OR1J2: variants seen among roughly 807,000 people sequenced by gnomAD.
The protein encoded by OR1J2 is olfactory receptor 1J2.
For missense variants in OR1J2, 304 were observed against 246.1 expected (o/e 1.24, Z -1.57); for synonymous variants, 142 against 99.7 (o/e 1.42, Z -2.52).
chr9:122,510,596 C>T (rs952463534), upstream of OR1J2, among the ~76,000 whole-genome samples: 1 of 152,056 alleles, frequency 6.6e-6, no homozygotes, highest in African/African-American at 2.4e-5. Context: ...ATCATCCCAT[C>T]GTCTAGGCAT....
the OR1J2 span, among the ~76,000 whole-genome samples, chr9:122,546,795 T>G: frequency 6.6e-6 from 1 of 152,196 alleles, no homozygotes; most frequent in Non-Finnish European, 1.5e-5. Context: ...CTGTCAATTT[T>G]GAAAACAAAA....
the OR1J2 span, among the ~76,000 whole-genome samples, chr9:122,480,888 G>A: frequency 1.3e-5 from 2 of 151,946 alleles, no homozygotes; most frequent in Non-Finnish European, 2.9e-5. Context: ...TCTGCCTCCC[G>A]GGTTCAAGTG....
chr9:122,567,722 A>G, the OR1J2 span: 1 of 1,614,040 alleles, frequency 6.2e-7, no homozygotes, highest in East Asian at 2.2e-5. Flanking sequence ...TGCTTCCATA[A>G]AAGAGCGTCA....
At chr9:122,566,763 G>GC in the OR1J2 span, among the ~76,000 whole-genome samples, 35,860 of 151,864 alleles carry the variant, frequency 0.24, 4,713 homozygotes, top group Middle Eastern at 0.35. Flanking sequence ...ATTTCTATAG[G>GC]CTAGAGTCCT....
chr9:122,526,920 C>T, the OR1J2 span: 1 of 1,614,132 alleles, frequency 6.2e-7, no homozygotes, highest in Non-Finnish European at 8.5e-7. Context: ...GAGGGGGTGG[C>T]AAATGGCCAC....
the OR1J2 span, among the ~76,000 whole-genome samples, chr9:122,556,197 C>G: frequency 6.6e-6 from 1 of 151,354 alleles, no homozygotes; most frequent in Non-Finnish European, 1.5e-5. Flanking sequence ...CTTTTCATAG[C>G]TTGATAGTTC....
chr9:122,526,933 A>G, the OR1J2 span: 9 of 1,614,076 alleles, frequency 5.6e-6, no homozygotes, highest in South Asian at 4.4e-5. Flanking sequence ...ATGGCCACAT[A>G]GCGGTCATAC....
the OR1J2 span, among the ~76,000 whole-genome samples, chr9:122,546,245 G>T: frequency 4.6e-5 from 7 of 152,132 alleles, no homozygotes; most frequent in African/African-American, 1.7e-4. Flanking sequence ...TAAATAATTT[G>T]TGGCAAGTGT....
At chr9:122,576,740 A>G in the OR1J2 span, 1 of 152,186 alleles carries the variant, frequency 6.6e-6, no homozygotes, top group East Asian at 1.9e-4. Context: ...CCAGCAATTC[A>G]TCAATTACAG....
At chr9:122,554,017 A>G in the OR1J2 span, 6 of 1,611,792 alleles carry the variant, frequency 3.7e-6, no homozygotes, top group Admixed American at 1.7e-5. Context: ...CCATCAACTT[A>G]CTCTACAGAG....
At chr9:122,565,662 C>T in the OR1J2 span, among the ~76,000 whole-genome samples, 7 of 152,158 alleles carry the variant, frequency 4.6e-5, no homozygotes, top group African/African-American at 1.4e-4. Context: ...GTATGGATCC[C>T]GTCACCCAGG....
At chr9:122,520,185 T>A in the OR1J2 span, 1 of 715,568 alleles carries the variant, frequency 1.4e-6, no homozygotes, top group South Asian at 2.3e-5. Flanking sequence ...AACTCTCTGA[T>A]GACTTGAATT....
the OR1J2 span, among the ~76,000 whole-genome samples, chr9:122,565,167 G>A: frequency 6.6e-6 from 1 of 152,196 alleles, no homozygotes; most frequent in Non-Finnish European, 1.5e-5. Context: ...CATCTATTTG[G>A]ATTTTAGAGG....
At chr9:122,469,143 T>A in the OR1J2 span, among the ~76,000 whole-genome samples, 1 of 152,244 alleles carries the variant, frequency 6.6e-6, no homozygotes, top group African/African-American at 2.4e-5. Flanking sequence ...CGCTTGAGCC[T>A]GACTCCTTGC....
At chr9:122,544,637 C>G in the OR1J2 span, among the ~76,000 whole-genome samples, 3 of 152,146 alleles carry the variant, frequency 2.0e-5, no homozygotes, top group East Asian at 5.8e-4. Flanking sequence ...TCAGACTGGT[C>G]TCGAACTTCT....
chr9:122,504,119 T>A, the OR1J2 span, among the ~76,000 whole-genome samples: 112 of 152,324 alleles, frequency 7.4e-4, no homozygotes, highest in African/African-American at 2.5e-3. Context: ...TAAGGCCCCA[T>A]GCCAAATTTG....
At chr9:122,489,346 G>C in the OR1J2 span, among the ~76,000 whole-genome samples, 1 of 151,948 alleles carries the variant, frequency 6.6e-6, no homozygotes, top group Admixed American at 6.6e-5. Context: ...GAAAGCAACA[G>C]CCTGGGTTCC....
upstream of OR1J2, among the ~76,000 whole-genome samples, chr9:122,507,676 G>A (rs907384222): frequency 6.6e-6 from 1 of 152,112 alleles, no homozygotes. Flanking sequence ...CCAGCAGTTT[G>A]TATACTCAAT....
chr9:122,467,264 T>G, the OR1J2 span, among the ~76,000 whole-genome samples: 3 of 152,244 alleles, frequency 2.0e-5, no homozygotes, highest in Non-Finnish European at 4.4e-5. Flanking sequence ...TGACTACTTT[T>G]GTTTCACAGC....
Sources: allele counts gnomAD v4.1 joint callset (sites outside exome capture counted in the v4.1 genomes callset), GRCh38; gene constraint gnomAD v4.1.1; transcripts MANE v1.5; gene names NCBI Gene and HGNC (gene_info 2026-07-23, HGNC 2026-07-21).